Variants in DAB1 observed in about 807,000 individuals in gnomAD.
The protein encoded by DAB1 is DAB adaptor protein 1, also known as disabled homolog 1.
DAB1 carries 15 observed loss-of-function variants against 64.6 expected under a neutral mutation model. The ratio of observed to expected loss-of-function variants is 0.23; its 90% confidence interval spans 0.16 to 0.36. The LOEUF (loss-of-function observed/expected upper bound fraction) is 0.36. DAB1 is among the 10% of genes least tolerant of loss of function. The probability of loss-of-function intolerance (pLI) is 1.00; values close to 1 mark genes in which losing one functional copy is unlikely to be tolerated. For missense variants in DAB1, 596 were observed against 706.7 expected, an observed-to-expected ratio of 0.84 and a Z score of 1.78; for synonymous variants, 235 against 251.9, an observed-to-expected ratio of 0.93 and a Z score of 0.64.
At chr1:57,021,306 C>T (rs1422897650) in intron 11 of DAB1, among the ~76,000 whole-genome samples, 1 of 152,136 alleles carries the variant, frequency 6.6e-6, no homozygotes, top group Non-Finnish European at 1.5e-5. Context: ...TCTTCCAAGT[C>T]CCTAATCTGG....
chr1:58,249,987 A>T (rs1231869095), intron 4 of DAB1, among the ~76,000 whole-genome samples: 4 of 152,120 alleles, frequency 2.6e-5, no homozygotes, highest in East Asian at 3.9e-4. Flanking sequence ...CCGCCGCGGC[A>T]GCCGCTGCCT....
At chr1:58,079,208 T>C (rs557153627) in intron 5 of DAB1, among the ~76,000 whole-genome samples, 1 of 152,194 alleles carries the variant, frequency 6.6e-6, no homozygotes, top group Non-Finnish European at 1.5e-5. Flanking sequence ...ACTGCAGGTC[T>C]CATGGCCCAC....
At chr1:57,578,399 AG>A (rs1645275036) in intron 7 of DAB1, among the ~76,000 whole-genome samples, 1 of 152,220 alleles carries the variant, frequency 6.6e-6, no homozygotes, top group Non-Finnish European at 1.5e-5. Flanking sequence ...CAGTGAAAAA[AG>A]CTTCATGGGC....
intron 3 of DAB1, among the ~76,000 whole-genome samples, chr1:58,388,369 G>A (rs779414042): frequency 5.9e-5 from 9 of 152,184 alleles, no homozygotes; most frequent in Non-Finnish European, 8.8e-5. Flanking sequence ...AGACTATTGA[G>A]TGGAGATTCC....
intron 1 of DAB1, among the ~76,000 whole-genome samples, chr1:57,400,839 T>C (rs1323821572): frequency 1.3e-5 from 2 of 152,090 alleles, no homozygotes; most frequent in African/African-American, 4.8e-5. Flanking sequence ...GGCACTGACG[T>C]TGATGTGGCT....
chr1:57,308,272 C>T (rs1027569268), intron 1 of DAB1, among the ~76,000 whole-genome samples: 1 of 152,154 alleles, frequency 6.6e-6, no homozygotes, highest in African/African-American at 2.4e-5. Flanking sequence ...AACAGTCATT[C>T]TCTTGACATC....
At chr1:57,695,252 AGAAAGAAGGAAGGAAG>A (rs71051243) in intron 6 of DAB1, among the ~76,000 whole-genome samples, 14,223 of 71,206 alleles carry the variant, frequency 0.2, 2,991 homozygotes, top group East Asian at 0.43. Context: ...AAAGAAAGAA[AGAAAGAAGGAAGGAAG>A]GAAGGAAGGA....
chr1:58,515,954 T>A (rs552235231), intron 2 of DAB1, among the ~76,000 whole-genome samples: 7 of 152,220 alleles, frequency 4.6e-5, no homozygotes, highest in Admixed American at 4.6e-4. Context: ...ATTTCTGTGA[T>A]GAAAAATAGA....
intron 5 of DAB1, among the ~76,000 whole-genome samples, chr1:58,010,772 T>C (rs973100078): frequency 6.6e-6 from 1 of 152,202 alleles, no homozygotes; most frequent in Non-Finnish European, 1.5e-5. Context: ...CTGTACTCCA[T>C]GCCTATTGCA....
At chr1:57,519,860 A>G (rs561077736) in intron 7 of DAB1, among the ~76,000 whole-genome samples, 1 of 152,344 alleles carries the variant, frequency 6.6e-6, no homozygotes, top group Middle Eastern at 3.4e-3. Context: ...TTTTTATTGT[A>G]AAAGTAATAT....
rs200269133 is a variant in DAB1, at chr1:57,068,454, AC to A, written c.663+905del. Reference sequence around the variant, plus strand: ...AGTCATTTAGAATTCTATGCATTTGACAGAAATTGAAAATATGTTTTACTTT... The same window carrying A: ...AGTCATTTAGAATTCTATGCATTTGAAGAAATTGAAAATATGTTTTACTTT... On this transcript the variant is annotated intron_variant, in intron 8 of 14. Coordinates refer to ENST00000371236, the MANE Select transcript of DAB1 (RefSeq NM_001365792.1). Among the ~76,000 whole-genome samples the A allele has an allele frequency of 5.2e-3, 785 of 152,336 alleles. 8 individuals carry two copies. Among genetic ancestry groups the A allele is most frequent in the African/African-American group, 0.018 (744 of 41,570 alleles).
At chr1:58,249,166 G>A (rs991674269) in intron 4 of DAB1, among the ~76,000 whole-genome samples, 2 of 151,880 alleles carry the variant, frequency 1.3e-5, no homozygotes, top group African/African-American at 2.4e-5. Flanking sequence ...AATTTTCTCA[G>A]CAAAAATTGG....
At chr1:57,046,648 C>T (rs1489781650) in intron 9 of DAB1, among the ~76,000 whole-genome samples, 1 of 152,214 alleles carries the variant, frequency 6.6e-6, no homozygotes, top group Non-Finnish European at 1.5e-5. Flanking sequence ...TGTTAATGAT[C>T]TGTATTACAG....
intron 6 of DAB1, among the ~76,000 whole-genome samples, chr1:57,805,261 A>G (rs1313995051): frequency 2.0e-5 from 3 of 152,338 alleles, no homozygotes; most frequent in South Asian, 2.1e-4. Context: ...TAAGAAATAT[A>G]TAAGTATTTC....
chr1:57,116,729 T>C (rs1233575483), intron 4 of DAB1, among the ~76,000 whole-genome samples: 4 of 152,136 alleles, frequency 2.6e-5, no homozygotes, highest in Non-Finnish European at 5.9e-5. Context: ...AAAAGAAGAT[T>C]ATAGCCCAAT....
At chr1:57,496,533 T>C (rs1644232733) in intron 7 of DAB1, among the ~76,000 whole-genome samples, 2 of 152,198 alleles carry the variant, frequency 1.3e-5, no homozygotes, top group African/African-American at 2.4e-5. Flanking sequence ...CCACGTCTTC[T>C]GATTGGCATG....
intron 7 of DAB1, among the ~76,000 whole-genome samples, chr1:57,533,243 C>T (rs756054651): frequency 6.6e-6 from 1 of 151,756 alleles, no homozygotes; most frequent in Admixed American, 6.6e-5. Context: ...TTTTCCTCAC[C>T]ATATTTCAGA....
At chr1:58,189,545 C>T (rs1420459569) in intron 4 of DAB1, among the ~76,000 whole-genome samples, 2 of 152,206 alleles carry the variant, frequency 1.3e-5, no homozygotes, top group South Asian at 2.1e-4. Context: ...ATGCACTTAG[C>T]TTTTCCTGGC....
In DAB1 at chr1:57,148,719, C is replaced by T. The variant is rs75086933; in HGVS notation, c.68-3290G>A. Among the ~76,000 whole-genome samples, 137 of 152,326 alleles carry T rather than the reference C, an allele frequency of 9.0e-4. 1 individual carries two copies. In the East Asian group the frequency reaches 0.018, roughly 20 times the overall value. ...CAGTTACTGTGCCAAGGGTTTCACA[C>T]GCAATTTCTCATTTAATCTTCACAT... On this transcript the variant is annotated intron_variant, in intron 2 of 14. Transcript: ENST00000371236.
Sources: gnomAD v4.1 joint callset for allele counts (sites outside exome capture counted in the v4.1 genomes callset) on GRCh38, gnomAD v4.1.1 for gene constraint, MANE v1.5 for transcripts, NCBI Gene and HGNC (gene_info 2026-07-23, HGNC 2026-07-21) for gene names.